Variants in TG observed in about 807,000 individuals in gnomAD.
TG encodes the protein thyroglobulin.
A neutral mutation model predicts 324.7 loss-of-function variants in TG; 270 were observed. That is an observed-to-expected ratio of 0.83 (90% CI 0.75 to 0.92). TG has a LOEUF of 0.92. Ranked by LOEUF, TG falls within the 40% of genes least tolerant of loss-of-function variation. The pLI is 0.00. For missense variants in TG, 3,591 were observed against 3,456.4 expected (o/e 1.04, Z -0.98); for synonymous variants, 1,401 against 1,327.0 (o/e 1.06, Z -1.21).
chr8:132,952,700 T>G (rs955300627), intron 27 of TG, among the ~76,000 whole-genome samples: 2 of 152,212 alleles, frequency 1.3e-5, no homozygotes, highest in Non-Finnish European at 2.9e-5. Flanking sequence ...GTAAATATAT[T>G]AATATCTGCA....
chr8:132,995,607 G>GCATCT, intron 35 of TG: 1 of 831,150 alleles, frequency 1.2e-6, no homozygotes, highest in Non-Finnish European at 1.5e-6. Flanking sequence ...CCATGAAAGA[G>GCATCT]GAGTTCAGAT....
At chr8:133,090,856 G>A (rs1001559728) in intron 41 of TG, among the ~76,000 whole-genome samples, 1 of 152,104 alleles carries the variant, frequency 6.6e-6, no homozygotes, top group Non-Finnish European at 1.5e-5. Context: ...TTTTTACTTT[G>A]CTTTGGCCTC....
intron 5 of TG, 124 bp from the exon 6 acceptor site, chr8:132,881,739 C>A: frequency 1.3e-6 from 1 of 747,504 alleles, no homozygotes; most frequent in Non-Finnish European, 2.4e-6. Flanking sequence ...AAGCAACTGT[C>A]ATGTGATAAG....
chr8:133,112,187 A>ATTGC (rs1850311195), intron 43 of TG, among the ~76,000 whole-genome samples: 1 of 152,194 alleles, frequency 6.6e-6, no homozygotes. Flanking sequence ...CCCAGGAGGG[A>ATTGC]TTGCTCATTG....
At chr8:133,097,110 A>C (rs987465474) in intron 43 of TG, among the ~76,000 whole-genome samples, 3 of 152,226 alleles carry the variant, frequency 2.0e-5, no homozygotes, top group Non-Finnish European at 4.4e-5. Flanking sequence ...AAGAGAGGAC[A>C]ACTCTGGGCG....
chr8:133,067,034 A>T (rs1398787094), intron 41 of TG, among the ~76,000 whole-genome samples: 1 of 152,186 alleles, frequency 6.6e-6, no homozygotes, highest in African/African-American at 2.4e-5. Context: ...CAGTACCGGC[A>T]CAATTGACTA....
chr8:132,869,445 GAAGCCCT>G, intron 2 of TG, among the ~76,000 whole-genome samples: 1 of 152,296 alleles, frequency 6.6e-6, no homozygotes, highest in Middle Eastern at 3.4e-3. Flanking sequence ...GGATGTGGCT[GAAGCCCT>G]GCACTCCAGG....
intron 27 of TG, among the ~76,000 whole-genome samples, chr8:132,953,740 A>G (rs1344323793): frequency 1.3e-5 from 2 of 152,150 alleles, no homozygotes; most frequent in Non-Finnish European, 2.9e-5. Context: ...ATTTTGCTTC[A>G]CTTGGTAACT....
intron 29 of TG, among the ~76,000 whole-genome samples, chr8:132,964,091 C>T (rs1030376720): frequency 1.3e-4 from 19 of 152,000 alleles, no homozygotes; most frequent in Middle Eastern, 6.8e-3. Context: ...TCCTCAACCT[C>T]GGCAGTGCCT....
chr8:132,904,596 G>A lies in TG; in HGVS notation c.3635-2092G>A, dbSNP rs181261478. On this transcript the variant is annotated intron_variant, in intron 16 of 47. Transcript: ENST00000220616. ...TTTCAGTGACATGGGGAATAAGGCT[G>A]TGGGAAAACAGGTCTGCTAGGGAAG... is the stretch of plus-strand genomic sequence containing the variant. 6.6e-5 allele frequency among the ~76,000 whole-genome samples: 10 copies of A among 152,302 alleles called. No homozygotes were observed. In the East Asian group the frequency reaches 1.5e-3, roughly 23 times the overall value.
chr8:133,055,188 G>GAC (rs1841147014), intron 41 of TG, among the ~76,000 whole-genome samples: 1 of 152,156 alleles, frequency 6.6e-6, no homozygotes, highest in South Asian at 2.1e-4. Flanking sequence ...CTCCAGGTAA[G>GAC]TTGTCAGGGT....
At chr8:133,067,393 G>C (rs749825794) in intron 41 of TG, among the ~76,000 whole-genome samples, 2 of 152,192 alleles carry the variant, frequency 1.3e-5, no homozygotes, top group Non-Finnish European at 2.9e-5. Context: ...ACAAGGGCAG[G>C]CAGCCAGCTC....
intron 35 of TG, among the ~76,000 whole-genome samples, chr8:132,986,182 T>C (rs1831499212): frequency 6.6e-6 from 1 of 152,092 alleles, no homozygotes; most frequent in Non-Finnish European, 1.5e-5. Flanking sequence ...GAAGTTACTC[T>C]GTGTCAGTTA....
intron 27 of TG, among the ~76,000 whole-genome samples, chr8:132,952,528 C>T (rs532271814): frequency 4.6e-5 from 7 of 152,260 alleles, no homozygotes; most frequent in African/African-American, 9.6e-5. Context: ...TATGGGACTT[C>T]GGGTGCAGAC....
intron 41 of TG, among the ~76,000 whole-genome samples, chr8:133,059,521 A>G (rs1405298834): frequency 6.6e-6 from 1 of 152,172 alleles, no homozygotes; most frequent in East Asian, 1.9e-4. Flanking sequence ...GACTTTGGTC[A>G]TCACTGATTA....
At chr8:132,924,349 T>TATGGCCC (rs1821526900) in intron 22 of TG, among the ~76,000 whole-genome samples, 1 of 152,238 alleles carries the variant, frequency 6.6e-6, no homozygotes, top group Non-Finnish European at 1.5e-5. Context: ...GGCCATGGAC[T>TATGGCCC]GGTACCAGTC....
intron 5 of TG, among the ~76,000 whole-genome samples, chr8:132,873,989 C>G (rs1284747719): frequency 6.6e-6 from 1 of 151,848 alleles, no homozygotes; most frequent in East Asian, 1.9e-4. Context: ...GCCAATATGG[C>G]GAAACCCCAT....
Position 132,948,808 on chromosome 8 carries a change from A to G in TG, c.5266A>G (p.Ser1756Gly), listed in dbSNP as rs371749973. 1.2e-6 allele frequency: 2 copies of G among 1,613,938 alleles called. No individual in the cohort carries two copies. Among genetic ancestry groups the G allele is most frequent in the African/African-American group, 1.3e-5 (1 of 74,880 alleles). ...CATCTGTGGGTTGCTGAGCTCACCC[A>G]GTGTCCTGCTTTGTAATGTCAAAGA... is the stretch of plus-strand genomic sequence containing the variant. ...AIICGLLSSP[S>G]VLLCNVKDWM... The change falls in exon 27 of 48, where the codon AGT becomes GGT. Residue 1756 changes from serine to glycine, a missense_variant. Ser to Gly is a moderately conservative substitution (Grantham distance 56). Transcript: ENST00000220616.
At chr8:133,075,362 T>G (rs1487783106) in intron 41 of TG, among the ~76,000 whole-genome samples, 1 of 152,150 alleles carries the variant, frequency 6.6e-6, no homozygotes, top group Non-Finnish European at 1.5e-5. Context: ...GCAGCTTCCT[T>G]CTGTTACTGC....
Sources: gnomAD v4.1 joint callset for allele counts (sites outside exome capture counted in the v4.1 genomes callset) on GRCh38, gnomAD v4.1.1 for gene constraint, MANE v1.5 for transcripts, NCBI Gene and HGNC (gene_info 2026-07-23, HGNC 2026-07-21) for gene names.